SETBP1: variants seen among roughly 807,000 people sequenced by gnomAD.
SETBP1 encodes the protein SET-binding protein.
SETBP1 carries 9 observed loss-of-function variants against 101.0 expected under a neutral mutation model. That is an observed-to-expected ratio of 0.09 (90% CI 0.05 to 0.16). SETBP1 has a LOEUF of 0.16. SETBP1 is among the 10% of genes least tolerant of loss of function. The pLI is 1.00. For synonymous variants in SETBP1, 818 were observed against 788.5 expected (o/e 1.04, Z -0.63); for missense variants, 1,858 against 2,033.8 (o/e 0.91, Z 1.66).
chr18:44,840,399 T>G (rs1024790507), intron 2 of SETBP1, among the ~76,000 whole-genome samples: 6 of 152,236 alleles, frequency 3.9e-5, no homozygotes, highest in African/African-American at 1.4e-4. Context: ...ACACCTCTTT[T>G]GCAAAAGGAC....
intron 4 of SETBP1, among the ~76,000 whole-genome samples, chr18:45,018,611 G>A (rs1055309696): frequency 3.3e-5 from 5 of 152,248 alleles, no homozygotes; most frequent in African/African-American, 1.2e-4. Flanking sequence ...GGAGCCAGGT[G>A]ATGTGTTATG....
At chr18:45,055,558 G>T (rs1178151374) in intron 5 of SETBP1, among the ~76,000 whole-genome samples, 3 of 151,270 alleles carry the variant, frequency 2.0e-5, no homozygotes, top group East Asian at 3.9e-4. Context: ...TGAAAATCTT[G>T]GTTTTTTTTT....
At chr18:44,784,703 T>G (rs1212807173) in intron 2 of SETBP1, among the ~76,000 whole-genome samples, 1 of 152,202 alleles carries the variant, frequency 6.6e-6, no homozygotes, top group Non-Finnish European at 1.5e-5. Flanking sequence ...CCCAGAACAG[T>G]GCTTTGCACA....
At chr18:44,727,607 G>C (rs1183716803) in intron 2 of SETBP1, among the ~76,000 whole-genome samples, 1 of 152,080 alleles carries the variant, frequency 6.6e-6, no homozygotes, top group Admixed American at 6.6e-5. Context: ...AATCATTTAC[G>C]CAACCCCTAC....
chr18:44,913,005 C>G (rs1030874847), intron 3 of SETBP1, among the ~76,000 whole-genome samples: 2 of 152,130 alleles, frequency 1.3e-5, no homozygotes, highest in Non-Finnish European at 2.9e-5. Flanking sequence ...TGGCTTTTAT[C>G]CCCCAGGAAC....
rs532465794 is a variant in SETBP1, at chr18:44,918,979, C to T, written c.541-30902C>T. On this transcript the variant is annotated intron_variant, in intron 3 of 5. Coordinates refer to ENST00000649279, the MANE Select transcript of SETBP1 (RefSeq NM_015559.3). ...TATAGCAGTCCCACTTTGGATTCTG[C>T]TGGAGATAAAGAAGTAGCAAAGCCA... is the stretch of plus-strand genomic sequence containing the variant. Among the ~76,000 whole-genome samples the T allele has an allele frequency of 2.6e-5, 4 of 152,268 alleles. No individual in the cohort carries two copies. The East Asian group carries it at 7.7e-4, about 29-fold the overall frequency.
At chr18:44,808,918 G>A (rs567868021) in intron 2 of SETBP1, among the ~76,000 whole-genome samples, 8 of 152,242 alleles carry the variant, frequency 5.3e-5, no homozygotes, top group South Asian at 2.1e-4. Context: ...CAAATCTCAC[G>A]CAAAGCAGGA....
rs2073986912 is a variant in SETBP1, at chr18:45,067,701, A to G, written c.*4003A>G. On this transcript the variant is annotated 3_prime_UTR_variant, in exon 6 of 6. Transcript: ENST00000649279. ...GTTTCTTAAAGTTTCTTTCCACAAT[A>G]CAAGGTCCTCTCTGCCTCTTGTTTC... 1 of 152,308 alleles carries G rather than the reference A, an allele frequency of 6.6e-6. No homozygotes were observed. The highest frequency in any genetic ancestry group is 6.5e-5 in the Admixed American group (1 of 15,296). The allele number at this position is 152,308 out of a possible 1,614,324, so 9.4% of individuals were successfully genotyped here.
At chr18:44,719,533 C>T (rs953845784) in intron 2 of SETBP1, among the ~76,000 whole-genome samples, 2 of 152,056 alleles carry the variant, frequency 1.3e-5, no homozygotes, top group East Asian at 1.9e-4. Flanking sequence ...GCTTGTTGCT[C>T]CTCCACCCAA....
rs150702718 is a variant in SETBP1, at chr18:44,815,643, G to C, written c.487-53587G>C. On this transcript the variant is annotated intron_variant, in intron 2 of 5. Transcript: ENST00000649279. The stretch of plus-strand genomic sequence containing the variant: ...CTGTCCCTTGGAGGATGCAGGGCAA[G>C]TGATAGGACTCATGTATTAACAGTG... 2.1e-4 allele frequency among the ~76,000 whole-genome samples: 32 copies of C among 152,318 alleles called. No individual in the cohort carries two copies. The East Asian group carries it at 6.2e-3, about 29-fold the overall frequency.
At chr18:44,882,759 C>T (rs2069559336) in intron 3 of SETBP1, among the ~76,000 whole-genome samples, 1 of 152,106 alleles carries the variant, frequency 6.6e-6, no homozygotes, top group Non-Finnish European at 1.5e-5. Flanking sequence ...ATCAGATTAG[C>T]ATGGCAGGGC....
intron 2 of SETBP1, among the ~76,000 whole-genome samples, chr18:44,722,024 G>A (rs1453357723): frequency 5.9e-5 from 9 of 151,412 alleles, no homozygotes; most frequent in African/African-American, 1.2e-4. Context: ...ATGTGAGAGG[G>A]CATCTGCGTG....
At chr18:45,013,851 C>T (rs560723831) in intron 4 of SETBP1, among the ~76,000 whole-genome samples, 112 of 152,316 alleles carry the variant, frequency 7.4e-4, no homozygotes, top group African/African-American at 2.6e-3. Flanking sequence ...ACAGACAAAA[C>T]TCACCCACCA....
chr18:44,955,350 A>G (rs2071459599), intron 4 of SETBP1, among the ~76,000 whole-genome samples: 2 of 152,200 alleles, frequency 1.3e-5, no homozygotes, highest in Non-Finnish European at 2.9e-5. Flanking sequence ...TGACAATGTC[A>G]TGAAAGAAAG....
At chr18:44,777,572 T>C (rs2144664398) in intron 2 of SETBP1, among the ~76,000 whole-genome samples, 1 of 152,320 alleles carries the variant, frequency 6.6e-6, no homozygotes, top group South Asian at 2.1e-4. Flanking sequence ...TATCTCTGGC[T>C]GTTCTGCTCA....
At chr18:44,691,226 C>T (rs539969594) in intron 1 of SETBP1, among the ~76,000 whole-genome samples, 2 of 152,230 alleles carry the variant, frequency 1.3e-5, no homozygotes, top group East Asian at 3.9e-4. Context: ...AAATCATTAA[C>T]CTTTCTGGAC....
intron 2 of SETBP1, among the ~76,000 whole-genome samples, chr18:44,711,579 G>C (rs574941185): frequency 9.4e-4 from 138 of 147,420 alleles, no homozygotes; most frequent in African/African-American, 3.4e-3. Flanking sequence ...AGGCTGGAGT[G>C]CAGTTGTACA....
intron 3 of SETBP1, among the ~76,000 whole-genome samples, chr18:44,930,747 A>G (rs2070813046): frequency 1.3e-5 from 2 of 151,704 alleles, no homozygotes; most frequent in Admixed American, 6.6e-5. Flanking sequence ...GTATTCTCTG[A>G]TGGTAGTTTG....
At chr18:44,971,206 C>T (rs1399694663) in intron 4 of SETBP1, among the ~76,000 whole-genome samples, 1 of 152,132 alleles carries the variant, frequency 6.6e-6, no homozygotes, top group Non-Finnish European at 1.5e-5. Context: ...GACACGAACT[C>T]ATCATTTTTT....
Sources: gnomAD v4.1 joint callset for allele counts (sites outside exome capture counted in the v4.1 genomes callset) on GRCh38, gnomAD v4.1.1 for gene constraint, MANE v1.5 for transcripts, NCBI Gene and HGNC (gene_info 2026-07-23, HGNC 2026-07-21) for gene names.